The following EPHA4 variants were observed in gnomAD, a reference collection of about 807,000 sequenced individuals.
EPHA4 encodes ephrin type-A receptor 4.
Under a neutral mutation model 108.3 loss-of-function variants are expected in EPHA4, and 19 were observed. The observed-to-expected ratio is 0.18, with a 90% CI of 0.12 to 0.26. The LOEUF is 0.26. Ranked by LOEUF, EPHA4 falls within the 10% of genes least tolerant of loss-of-function variation. EPHA4 has a pLI of 1.00. For missense variants in EPHA4, 917 were observed against 1,254.0 expected (o/e 0.73, Z 4.06); for synonymous variants, 449 against 455.5 (o/e 0.99, Z 0.18).
intron 9 of EPHA4, 44 bp downstream of exon 9, chr2:221,446,079 T>G: frequency 3.1e-6 from 4 of 1,309,960 alleles, no homozygotes; most frequent in Non-Finnish European, 4.2e-6. Context: ...AGAAAACGTG[T>G]GACATGCTCT....
At chr2:221,520,056 TTGTG>T (rs2106172975) in intron 3 of EPHA4, among the ~76,000 whole-genome samples, 1 of 152,290 alleles carries the variant, frequency 6.6e-6, no homozygotes, top group East Asian at 1.9e-4. Context: ...AACACCCATT[TTGTG>T]TAATTTTTAA....
intron 3 of EPHA4, among the ~76,000 whole-genome samples, chr2:221,548,758 A>G (rs1334127672): frequency 6.6e-6 from 1 of 152,144 alleles, no homozygotes; most frequent in East Asian, 1.9e-4. Flanking sequence ...TTAGACCTAG[A>G]TTGTCTACCC....
At chr2:221,510,480 T>C (rs1692794480) in intron 3 of EPHA4, among the ~76,000 whole-genome samples, 1 of 152,176 alleles carries the variant, frequency 6.6e-6, no homozygotes, top group Non-Finnish European at 1.5e-5. Context: ...TTTTCCCCTC[T>C]TACCTTGGAG....
chr2:221,422,237 AT>A (rs1689780998), intron 17 of EPHA4, among the ~76,000 whole-genome samples: 1 of 152,142 alleles, frequency 6.6e-6, no homozygotes, highest in African/African-American at 2.4e-5. Context: ...AATCCATCAA[AT>A]GTAGTTTTTG....
chr2:221,553,741 G>A (rs1305192244), intron 3 of EPHA4, among the ~76,000 whole-genome samples: 2 of 152,104 alleles, frequency 1.3e-5, no homozygotes, highest in African/African-American at 2.4e-5. Flanking sequence ...AGCTTTATGG[G>A]ACTTCAAGCT....
intron 8 of EPHA4, among the ~76,000 whole-genome samples, chr2:221,450,791 G>C (rs375977638): frequency 1.3e-5 from 2 of 152,092 alleles, no homozygotes; most frequent in African/African-American, 4.8e-5. Context: ...TAGAAGGTTC[G>C]TATAAAAACA....
At chr2:221,503,842 C>G (rs933349787) in intron 3 of EPHA4, among the ~76,000 whole-genome samples, 2 of 152,298 alleles carry the variant, frequency 1.3e-5, no homozygotes, top group African/African-American at 4.8e-5. Context: ...ATAGTAGTGG[C>G]TTTTCACGCA....
intron 4 of EPHA4, among the ~76,000 whole-genome samples, chr2:221,485,343 C>A: frequency 2.0e-5 from 3 of 152,288 alleles, no homozygotes; most frequent in Middle Eastern, 6.8e-3. Flanking sequence ...AAAACACGTG[C>A]TAAGCTAGGG....
intron 16 of EPHA4, 102 bp from the exon 17 acceptor site, chr2:221,426,244 A>G: frequency 2.6e-6 from 3 of 1,137,072 alleles, no homozygotes; most frequent in African/African-American, 3.1e-5. Context: ...GCCACAATTA[A>G]TACAGCACAA....
chr2:221,541,167 C>T (rs1464199842), intron 3 of EPHA4, among the ~76,000 whole-genome samples: 1 of 151,916 alleles, frequency 6.6e-6, no homozygotes, highest in Non-Finnish European at 1.5e-5. Flanking sequence ...TTAGGGTGGC[C>T]TTGAACTCCT....
intron 5 of EPHA4, among the ~76,000 whole-genome samples, chr2:221,471,739 CTGTAT>C (rs944258921): frequency 6.6e-6 from 1 of 152,126 alleles, no homozygotes; most frequent in Non-Finnish European, 1.5e-5. Context: ...GTTGACTGTT[CTGTAT>C]TGGAGTGTAC....
chr2:221,481,506 T>C (rs1691818764), intron 5 of EPHA4, among the ~76,000 whole-genome samples: 1 of 151,910 alleles, frequency 6.6e-6, no homozygotes, highest in African/African-American at 2.4e-5. Flanking sequence ...AAATAAAAAT[T>C]AGCCAGGTAT....
At chr2:221,512,090 G>T (rs950867068) in intron 3 of EPHA4, among the ~76,000 whole-genome samples, 9 of 152,040 alleles carry the variant, frequency 5.9e-5, no homozygotes, top group African/African-American at 2.2e-4. Context: ...TTCTATTGGA[G>T]ATATAAATTC....
intron 3 of EPHA4, among the ~76,000 whole-genome samples, chr2:221,542,969 T>C (rs964170670): frequency 6.6e-6 from 1 of 152,238 alleles, no homozygotes; most frequent in African/African-American, 2.4e-5. Flanking sequence ...GGAGTTCATT[T>C]CATTAATGAG....
In EPHA4 at chr2:221,446,123, C is replaced by A; in HGVS notation, c.1774G>T (p.Gly592Cys). The A allele has an allele frequency of 6.5e-7, 1 of 1,535,074 alleles. No individual in the cohort carries two copies. The highest frequency in any genetic ancestry group is 8.8e-7 in the Non-Finnish European group (1 of 1,142,752). Residue 592 changes from glycine to cysteine, a missense_variant and splice_region_variant, in exon 9 of 18, where the codon GGT becomes TGT. Physicochemically the swap from Gly to Cys is radical, Grantham distance 159 (BLOSUM62 -3). Around this residue, in one of 3 missense-constraint regions of EPHA4, gnomAD observed 758 missense variants for 1,076.7 expected, o/e 0.70. Coordinates refer to ENST00000281821, the MANE Select transcript of EPHA4 (RefSeq NM_004438.5). Reference protein sequence around the residue: ...EADEEKHLNQGVRTYVDPFTY... With the variant: ...EADEEKHLNQCVRTYVDPFTY... The stretch of plus-strand genomic sequence containing the variant: ...AATTTTTTAATCCAATTTTTTGTAC[C>A]TTGATTCAAATGTTTCTCTTCATCC...
chr2:221,554,482 G>A (rs144900027), intron 3 of EPHA4, among the ~76,000 whole-genome samples: 67 of 152,316 alleles, frequency 4.4e-4, no homozygotes, highest in African/African-American at 1.4e-3. Flanking sequence ...CCAGAGTTAA[G>A]TTTGTTGGGT....
At chr2:221,496,104 C>T (rs1437192364) in intron 4 of EPHA4, among the ~76,000 whole-genome samples, 2 of 152,136 alleles carry the variant, frequency 1.3e-5, no homozygotes, top group African/African-American at 4.8e-5. Flanking sequence ...CACATCTTGT[C>T]AAGAGAATCC....
At chr2:221,566,891 AGAAGG>A in intron 2 of EPHA4, among the ~76,000 whole-genome samples, 1 of 32,736 alleles carries the variant, frequency 3.1e-5, no homozygotes, top group African/African-American at 2.1e-4. Flanking sequence ...AAGGAGAAGG[AGAAGG>A]AGAAGGAGAA....
At chr2:221,426,300 A>T in intron 16 of EPHA4, 158 bp from the exon 17 acceptor site, 1 of 1,025,812 alleles carries the variant, frequency 9.7e-7, no homozygotes, top group Non-Finnish European at 1.4e-6. Flanking sequence ...TTAATGCAAG[A>T]ATGTAGATAC....
Sources: gnomAD v4.1 joint callset for allele counts (sites outside exome capture counted in the v4.1 genomes callset) on GRCh38, gnomAD v4.1.1 for gene constraint, gnomAD v4.1.1 regional missense constraint, MANE v1.5 for transcripts, NCBI Gene and HGNC (gene_info 2026-07-23, HGNC 2026-07-21) for gene names.